The following ITCH variants were observed in gnomAD, a reference collection of about 807,000 sequenced individuals.
The protein encoded by ITCH is itchy E3 ubiquitin protein ligase, also known as E3 ubiquitin-protein ligase Itchy homolog.
Under a neutral mutation model 126.8 loss-of-function variants are expected in ITCH, and 28 were observed. The observed-to-expected ratio is 0.22, with a 90% CI of 0.16 to 0.30. The LOEUF (loss-of-function observed/expected upper bound fraction) is 0.30. ITCH is among the 10% of genes least tolerant of loss of function. The pLI, the probability that ITCH is intolerant of heterozygous loss-of-function variation, is 1.00. For missense variants in ITCH, 631 were observed against 1,032.4 expected, an observed-to-expected ratio of 0.61 and a Z score of 5.33; for synonymous variants, 342 against 340.0, an observed-to-expected ratio of 1.01 and a Z score of -0.06.
chr20:34,428,125 T>C (rs749945103), intron 7 of ITCH, among the ~76,000 whole-genome samples: 89 of 152,308 alleles, frequency 5.8e-4, no homozygotes, highest in African/African-American at 2.0e-3. Context: ...CAGCTTTTAT[T>C]CCAGAGCACA....
intron 20 of ITCH, among the ~76,000 whole-genome samples, chr20:34,484,808 G>A (rs1988994941): frequency 2.0e-5 from 3 of 152,178 alleles, no homozygotes; most frequent in Non-Finnish European, 4.4e-5. Context: ...ATGGAGAGAA[G>A]TTGTGCTAGA....
chr20:34,489,872 T>C lies in ITCH; in HGVS notation c.2265T>C (p.His755=). 3 of 1,614,062 alleles carry C rather than the reference T, an allele frequency of 1.9e-6. No individual in the cohort carries two copies. Among genetic ancestry groups the C allele is most frequent in the East Asian group, 2.2e-5 (1 of 44,860 alleles). Residue 755 remains histidine, a synonymous_variant, in exon 22 of 25, where the codon CAT becomes CAC. Transcript: ENST00000374864. The part of the protein sequence containing the change: ...QEIDLNDWQR[H]AIYRHYARTS... ...TTGATTTGAATGACTGGCAAAGACA[T>C]GCCATCTACCGTCATTATGCAAGGA...
intron 20 of ITCH, among the ~76,000 whole-genome samples, chr20:34,483,392 C>T (rs187078713): frequency 6.6e-6 from 1 of 152,280 alleles, no homozygotes; most frequent in East Asian, 1.9e-4. Context: ...CGCAAGTCTC[C>T]TCTTGAATGC....
At position 34,509,258 on chromosome 20, in the gene ITCH, T is replaced by C. The variant is rs1393740698; in HGVS notation, c.*1464T>C. The C allele has an allele frequency of 1.3e-5, 2 of 152,402 alleles. No homozygotes were observed. The allele number at this position is 152,402 out of a possible 1,614,324, so 9.4% of individuals were successfully genotyped here. ...GGTGGCTGTTATAAATTTGACTTCA[T>C]TGGCAGTGGATGAAGCCTAAGCCAG... On this transcript the variant is annotated 3_prime_UTR_variant, in exon 25 of 25. Transcript: ENST00000374864.
chr20:34,470,065 T>G lies in ITCH; in HGVS notation c.1442T>G (p.Ile481Arg). ...GKSALDNGPQ[I>R]AYVRDFKAKV... ...TTCCTCAGAGACAATGGACCTCAGATAGCCTATGTTCGGGACTTCAAAGCA... is the reference window on the plus strand; with the variant it reads ...TTCCTCAGAGACAATGGACCTCAGAGAGCCTATGTTCGGGACTTCAAAGCA... Residue 481 changes from isoleucine to arginine, a missense_variant, in exon 15 of 25, where the codon ATA (isoleucine) becomes AGA (arginine). Ile to Arg is a moderately conservative substitution (Grantham distance 97). Coordinates refer to ENST00000374864, the MANE Select transcript of ITCH (RefSeq NM_031483.7). The G allele has an allele frequency of 6.2e-7, 1 of 1,613,840 alleles. No individual in the cohort carries two copies. The highest frequency in any genetic ancestry group is 8.5e-7 in the Non-Finnish European group (1 of 1,179,722).
At chr20:34,424,332 T>C in intron 6 of ITCH, 148 bp from the exon 7 acceptor site, 1 of 705,096 alleles carries the variant, frequency 1.4e-6, no homozygotes. Flanking sequence ...ATTTTTCCTT[T>C]TAAAGTCATG....
In ITCH at chr20:34,440,149, T is replaced by A. The variant is rs1297385666; in HGVS notation, c.680-6T>A. 3 of 1,603,982 alleles carry A rather than the reference T, an allele frequency of 1.9e-6. No individual in the cohort carries two copies. Among genetic ancestry groups the A allele is most frequent in the Non-Finnish European group, 2.6e-6 (3 of 1,170,736 alleles). On this transcript the variant is annotated splice_polypyrimidine_tract_variant and splice_region_variant and intron_variant, in intron 8 of 24. Transcript: ENST00000374864. ...TCTTTTCCTATTTTCCCCAAATCTT[T>A]TATAGCATCTGTCAATGGTTCACCA...
chr20:34,396,328 G>A (rs544106287), intron 3 of ITCH, among the ~76,000 whole-genome samples: 25 of 151,634 alleles, frequency 1.6e-4, no homozygotes, highest in East Asian at 1.5e-3. Flanking sequence ...GCCACTGCAC[G>A]GGCCCAAATT....
chr20:34,484,909 A>G (rs939254159), intron 20 of ITCH, among the ~76,000 whole-genome samples: 2 of 152,060 alleles, frequency 1.3e-5, no homozygotes, highest in African/African-American at 4.8e-5. Flanking sequence ...TTTTTTTTCT[A>G]TTCTGGACCC....
intron 24 of ITCH, among the ~76,000 whole-genome samples, chr20:34,505,288 C>G (rs754862936): frequency 6.6e-6 from 1 of 152,134 alleles, no homozygotes; most frequent in Admixed American, 6.5e-5. Flanking sequence ...AGGTGATCCA[C>G]CCACCTCGGC....
At position 34,440,226 on chromosome 20, in the gene ITCH, A is replaced by C; in HGVS notation, c.751A>C (p.Asn251His). The C allele has an allele frequency of 6.2e-7, 1 of 1,610,156 alleles. No individual in the cohort carries two copies. The highest frequency in any genetic ancestry group is 8.5e-7 in the Non-Finnish European group (1 of 1,176,420). The change falls in exon 9 of 25, where the codon AAT becomes CAT. Residue 251 changes from asparagine to histidine, a missense_variant. Around this residue, in one of 4 missense-constraint regions of ITCH, gnomAD observed 220 missense variants for 265.7 expected, o/e 0.83. Transcript: ENST00000374864. ...GSSTGSLPPT[N>H]TNTNTSEGAT... The stretch of plus-strand genomic sequence containing the variant: ...TAGTACAGGCTCTCTGCCGCCGACA[A>C]ATACAAATACAAATACATCTGAAGG...
intron 16 of ITCH, chr20:34,476,154 C>T: frequency 1.2e-6 from 1 of 811,722 alleles, no homozygotes; most frequent in East Asian, 2.4e-5. Flanking sequence ...CCAGAGTTCC[C>T]TCACATGCAC....
chr20:34,386,845 T>C (rs2038301015), intron 2 of ITCH, among the ~76,000 whole-genome samples: 1 of 152,200 alleles, frequency 6.6e-6, no homozygotes, highest in Non-Finnish European at 1.5e-5. Flanking sequence ...ACTGAAATTA[T>C]CTTCTGAAGT....
intron 24 of ITCH, among the ~76,000 whole-genome samples, chr20:34,507,401 T>A (rs1010523119): frequency 2.6e-5 from 4 of 151,822 alleles, no homozygotes; most frequent in African/African-American, 9.7e-5. Context: ...AGCATTTTTT[T>A]AATGTGCTTA....
chr20:34,488,005 T>G (rs6059866), intron 20 of ITCH, among the ~76,000 whole-genome samples: 67,418 of 151,998 alleles, frequency 0.44, 15,574 homozygotes, highest in Middle Eastern at 0.5. Flanking sequence ...CTTTGTGGTG[T>G]TGTTGTCATA....
chr20:34,438,199 A>T (rs1206907499), intron 7 of ITCH, among the ~76,000 whole-genome samples: 3 of 152,242 alleles, frequency 2.0e-5, no homozygotes, highest in Non-Finnish European at 4.4e-5. Context: ...GCTTATTTGA[A>T]ATATGAACCA....
intron 2 of ITCH, among the ~76,000 whole-genome samples, chr20:34,375,884 G>A (rs1341511564): frequency 6.7e-6 from 1 of 150,156 alleles, no homozygotes; most frequent in African/African-American, 2.4e-5. Flanking sequence ...TTTTCAGAAG[G>A]TTAAAAAAAA....
chr20:34,477,507 C>T (rs867584886), intron 16 of ITCH, among the ~76,000 whole-genome samples: 7 of 151,888 alleles, frequency 4.6e-5, no homozygotes, highest in South Asian at 2.1e-4. Flanking sequence ...CCAGCCTGGG[C>T]AACGAGGGAG....
At chr20:34,384,914 G>A (rs972007071) in intron 2 of ITCH, among the ~76,000 whole-genome samples, 21 of 151,868 alleles carry the variant, frequency 1.4e-4, no homozygotes, top group Non-Finnish European at 3.1e-4. Context: ...CACCTGCCTC[G>A]GCCTCCTAAA....
Sources: gnomAD v4.1 joint callset for allele counts (sites outside exome capture counted in the v4.1 genomes callset) on GRCh38, gnomAD v4.1.1 for gene constraint, gnomAD v4.1.1 regional missense constraint, MANE v1.5 for transcripts, NCBI Gene and HGNC (gene_info 2026-07-23, HGNC 2026-07-21) for gene names.